RTKN2: variants seen among roughly 807,000 people sequenced by gnomAD.
The protein encoded by RTKN2 is rhotekin 2.
Under a neutral mutation model 71.5 loss-of-function variants are expected in RTKN2, and 69 were observed. That is an observed-to-expected ratio of 0.96 (90% CI 0.79 to 1.18). The LOEUF (loss-of-function observed/expected upper bound fraction) is 1.18, where lower values mean the gene tolerates loss of function less well. RTKN2 is among the 50% of genes most tolerant of loss of function. The probability of loss-of-function intolerance (pLI) is 0.00; values close to 1 mark genes in which losing one functional copy is unlikely to be tolerated. For missense variants in RTKN2, 724 were observed against 719.7 expected, an observed-to-expected ratio of 1.01 and a Z score of -0.07; for synonymous variants, 236 against 236.5, an observed-to-expected ratio of 1.00 and a Z score of 0.02.
chr10:62,236,811 T>C (rs1842268729), intron 5 of RTKN2, among the ~76,000 whole-genome samples: 1 of 151,874 alleles, frequency 6.6e-6, no homozygotes, highest in Non-Finnish European at 1.5e-5. Context: ...ATCTTGCCAT[T>C]TGCTACAACA....
In RTKN2 at chr10:62,196,704, G is replaced by C. The variant is rs994513424; in HGVS notation, c.*1204C>G. 6 of 984,868 alleles carry C rather than the reference G, an allele frequency of 6.1e-6. No homozygotes were observed. The Admixed American group carries it at 2.5e-4, about 40-fold the overall frequency. The allele number at this position is 984,868 out of a possible 1,614,324, so 61.0% of individuals were successfully genotyped here. The stretch of plus-strand genomic sequence containing the variant: ...ACATTTAGGGTTCAGTGTGATTTGA[G>C]ATTTTTAGTGCTGTTGCTGACACCT... On this transcript the variant is annotated 3_prime_UTR_variant, in exon 12 of 12. Transcript: ENST00000373789.
chr10:62,256,486 A>G (rs1458492915), intron 2 of RTKN2, among the ~76,000 whole-genome samples: 2 of 152,326 alleles, frequency 1.3e-5, no homozygotes, highest in East Asian at 3.9e-4. Context: ...AAAATTGAAT[A>G]TGGACGGGAT....
intron 10 of RTKN2, among the ~76,000 whole-genome samples, chr10:62,200,995 G>A (rs747761148): frequency 6.6e-6 from 1 of 151,990 alleles, no homozygotes; most frequent in Non-Finnish European, 1.5e-5. Flanking sequence ...GATTTCTCCT[G>A]AGTGATGTCT....
At chr10:62,219,995 G>A (rs2132903378) in intron 7 of RTKN2, among the ~76,000 whole-genome samples, 1 of 152,166 alleles carries the variant, frequency 6.6e-6, no homozygotes, top group Non-Finnish European at 1.5e-5. Context: ...GTTCACACTG[G>A]ATCACATAAA....
chr10:62,250,127 A>G (rs1203861711), intron 2 of RTKN2, among the ~76,000 whole-genome samples: 1 of 152,226 alleles, frequency 6.6e-6, no homozygotes, highest in Non-Finnish European at 1.5e-5. Flanking sequence ...AGCCTTGCAT[A>G]TAAGAATGAG....
intron 7 of RTKN2, among the ~76,000 whole-genome samples, chr10:62,221,082 A>G (rs1412407732): frequency 6.6e-6 from 1 of 151,552 alleles, no homozygotes; most frequent in Non-Finnish European, 1.5e-5. Flanking sequence ...AGATACAAGT[A>G]GTGCACAGAA....
chr10:62,190,916 C>T (rs539500377), downstream of RTKN2, among the ~76,000 whole-genome samples: 5 of 152,234 alleles, frequency 3.3e-5, no homozygotes, highest in East Asian at 1.9e-4. Context: ...CTTCACAATA[C>T]GCTCATTCCA....
intron 6 of RTKN2, among the ~76,000 whole-genome samples, chr10:62,230,949 C>T (rs1285340219): frequency 6.6e-6 from 1 of 152,106 alleles, no homozygotes; most frequent in Non-Finnish European, 1.5e-5. Flanking sequence ...ATAATCATTT[C>T]TACAATGATT....
intron 8 of RTKN2, among the ~76,000 whole-genome samples, chr10:62,187,821 G>A (rs1335971075): frequency 6.6e-6 from 1 of 152,108 alleles, no homozygotes; most frequent in Non-Finnish European, 1.5e-5. Flanking sequence ...ACTATCTGTA[G>A]CTATCCCTGC....
In RTKN2 at chr10:62,223,288, T is replaced by C. The variant is rs141182251; in HGVS notation, c.731A>G (p.Glu244Gly). ...NLLAHTTLTL[E>G]SAEDSFKTHN... ...GGTCTTGAAACTATCCTCAGCACTT[T>C]CCAAGGTTAGGGTAGTGTGAGCTAG... Residue 244 changes from glutamate (E) to glycine (G), a missense_variant, in exon 7 of 12, where the codon GAA becomes GGA. Coordinates refer to ENST00000373789, the MANE Select transcript of RTKN2 (RefSeq NM_145307.4). 8.1e-5 allele frequency: 130 copies of C among 1,611,220 alleles called. No individual in the cohort carries two copies. The highest frequency in any genetic ancestry group is 3.5e-4 in the African/African-American group (26 of 74,856).
At chr10:62,215,227 C>T (rs1035224343) in intron 9 of RTKN2, 1 of 500,334 alleles carries the variant, frequency 2.0e-6, no homozygotes, top group Admixed American at 4.0e-5. Flanking sequence ...TAGACATAAT[C>T]ATATACACAG....
At chr10:62,203,048 T>C (rs1198693083) in intron 10 of RTKN2, among the ~76,000 whole-genome samples, 1 of 152,016 alleles carries the variant, frequency 6.6e-6, no homozygotes, top group Non-Finnish European at 1.5e-5. Context: ...TAATCCCAGC[T>C]ACTAGGGAGA....
chr10:62,252,089 G>T (rs1053454330), intron 2 of RTKN2, among the ~76,000 whole-genome samples: 2 of 151,930 alleles, frequency 1.3e-5, no homozygotes, highest in African/African-American at 4.8e-5. Context: ...AATTCAGAAA[G>T]ATGTTCTGAA....
intron 7 of RTKN2, among the ~76,000 whole-genome samples, chr10:62,221,732 C>A (rs1165280077): frequency 6.6e-6 from 1 of 151,956 alleles, no homozygotes; most frequent in Non-Finnish European, 1.5e-5. Context: ...AATCATTACT[C>A]CTAACAAATA....
At chr10:62,248,421 A>G (rs1166579089) in intron 2 of RTKN2, among the ~76,000 whole-genome samples, 1 of 152,196 alleles carries the variant, frequency 6.6e-6, no homozygotes, top group Non-Finnish European at 1.5e-5. Context: ...GTGCTACTGT[A>G]GCTAACAGTT....
chr10:62,262,180 G>A (rs945971584), intron 2 of RTKN2, among the ~76,000 whole-genome samples: 10 of 152,292 alleles, frequency 6.6e-5, no homozygotes, highest in African/African-American at 2.2e-4. Context: ...CAAGAGATGG[G>A]CTAGCAGATT....
Position 62,223,216 on chromosome 10 carries a change from G to A in RTKN2, c.781+22C>T, listed in dbSNP as rs941717694. 3.0e-6 allele frequency: 4 copies of A among 1,345,424 alleles called. No individual in the cohort carries two copies. In the Admixed American group the frequency reaches 5.2e-5, roughly 17 times the overall value. The allele number at this position is 1,345,424 out of a possible 1,614,324, so 83.3% of individuals were successfully genotyped here. A position where few individuals can be genotyped will look rare whatever the true frequency, so the allele number is the denominator to read the frequency against. ...AATATAGACAGAATATATGTAATAA[G>A]TAAAATATATACTGTACTTACCATT... On this transcript the variant is annotated intron_variant, in intron 7 of 11. Transcript: ENST00000373789.
chr10:62,191,976 A>G (rs936453015), downstream of RTKN2, among the ~76,000 whole-genome samples: 3 of 152,136 alleles, frequency 2.0e-5, no homozygotes, highest in African/African-American at 7.2e-5. Context: ...CAAGGCAGGA[A>G]CTTAAGTATT....
At position 62,204,851 on chromosome 10, in the gene RTKN2, A is replaced by G; in HGVS notation, c.1186+6T>C. On this transcript the variant is annotated splice_donor_region_variant and intron_variant, in intron 10 of 11. Transcript: ENST00000373789. ...CACAACTAAAAAAATCCAAATATCTATTTACTAAGATCAAAGAAATGCTGC... is the reference window on the plus strand; with the variant it reads ...CACAACTAAAAAAATCCAAATATCTGTTTACTAAGATCAAAGAAATGCTGC... The G allele has an allele frequency of 6.5e-7, 1 of 1,548,850 alleles. No individual in the cohort carries two copies. The highest frequency in any genetic ancestry group is 8.7e-7 in the Non-Finnish European group (1 of 1,153,976).
Sources: allele counts gnomAD v4.1 joint callset (sites outside exome capture counted in the v4.1 genomes callset), GRCh38; gene constraint gnomAD v4.1.1; transcripts MANE v1.5; gene names NCBI Gene and HGNC (gene_info 2026-07-23, HGNC 2026-07-21).